The following ATF6 variants were observed in gnomAD, a reference collection of about 807,000 sequenced individuals.
ATF6 encodes the protein activating transcription factor 6, also known as cyclic AMP-dependent transcription factor ATF-6 alpha.
In ATF6, 53 loss-of-function variants were observed where a neutral mutation model predicts 83.6. That is an observed-to-expected ratio of 0.63 (90% CI 0.51 to 0.80). ATF6 has a LOEUF of 0.80. Ranked by LOEUF, ATF6 falls within the 30% of genes least tolerant of loss-of-function variation. ATF6 has a pLI of 0.00. For synonymous variants in ATF6, 288 were observed against 285.8 expected (o/e 1.01, Z -0.08); for missense variants, 744 against 797.9 (o/e 0.93, Z 0.81).
intron 14 of ATF6, among the ~76,000 whole-genome samples, chr1:161,900,315 T>G (rs558978384): frequency 6.6e-6 from 1 of 152,268 alleles, no homozygotes; most frequent in African/African-American, 2.4e-5. Flanking sequence ...GTCATTTCGC[T>G]TAAAGAATTT....
chr1:161,853,144 C>T (rs1686673362), intron 11 of ATF6, 80 bp from the exon 12 acceptor site: 1 of 998,914 alleles, frequency 1.0e-6, no homozygotes, highest in Non-Finnish European at 1.5e-6. Flanking sequence ...TGATTAGATT[C>T]ATTTCCACCC....
intron 15 of ATF6, among the ~76,000 whole-genome samples, chr1:161,915,779 C>T (rs1482730698): frequency 6.6e-6 from 1 of 152,034 alleles, no homozygotes; most frequent in Non-Finnish European, 1.5e-5. Flanking sequence ...GCACATTCCA[C>T]TCCCAGCTAA....
At chr1:161,813,374 CAATTA>C (rs1335827902) in intron 7 of ATF6, among the ~76,000 whole-genome samples, 2 of 152,026 alleles carry the variant, frequency 1.3e-5, no homozygotes, top group African/African-American at 2.4e-5. Flanking sequence ...GTCGTTGTGC[CAATTA>C]AATTAAGTGT....
At chr1:161,784,379 C>CT (rs1174117122) in intron 4 of ATF6, among the ~76,000 whole-genome samples, 4 of 152,050 alleles carry the variant, frequency 2.6e-5, no homozygotes. Flanking sequence ...GCTTACTGTC[C>CT]TTTCTCCCAC....
intron 11 of ATF6, among the ~76,000 whole-genome samples, chr1:161,852,343 AG>A (rs1219235154): frequency 6.6e-6 from 1 of 152,192 alleles, no homozygotes; most frequent in African/African-American, 2.4e-5. Context: ...ACATCTTCAC[AG>A]CTGCTGTAAA....
intron 15 of ATF6, among the ~76,000 whole-genome samples, chr1:161,940,885 C>T (rs1033337279): frequency 2.0e-5 from 3 of 152,064 alleles, no homozygotes; most frequent in Admixed American, 2.0e-4. Flanking sequence ...TGTCATCTCT[C>T]CACCTCCCCA....
intron 11 of ATF6, among the ~76,000 whole-genome samples, chr1:161,852,956 G>C (rs1399688396): frequency 1.3e-5 from 2 of 152,140 alleles, no homozygotes; most frequent in African/African-American, 2.4e-5. Context: ...TTAGCATCCA[G>C]TGTTTATATT....
chr1:161,852,281 A>G (rs1686649660), intron 11 of ATF6, among the ~76,000 whole-genome samples: 1 of 152,124 alleles, frequency 6.6e-6, no homozygotes, highest in Non-Finnish European at 1.5e-5. Flanking sequence ...CTCAAAAACT[A>G]CCTCAGATTT....
intron 2 of ATF6, among the ~76,000 whole-genome samples, chr1:161,780,169 G>A (rs1048459316): frequency 6.6e-6 from 1 of 151,484 alleles, no homozygotes; most frequent in Non-Finnish European, 1.5e-5. Context: ...TTCTCTTTAT[G>A]TACCTTGTAC....
At chr1:161,794,916 G>A (rs1451343436) in intron 6 of ATF6, among the ~76,000 whole-genome samples, 1 of 152,216 alleles carries the variant, frequency 6.6e-6, no homozygotes, top group Non-Finnish European at 1.5e-5. Context: ...TAATTGGATT[G>A]TGTAGAAGGA....
At chr1:161,808,299 G>A (rs1047608641) in intron 7 of ATF6, among the ~76,000 whole-genome samples, 5 of 152,184 alleles carry the variant, frequency 3.3e-5, no homozygotes, top group Admixed American at 2.6e-4. Flanking sequence ...ACCTTGTGGG[G>A]ACTCATTCTA....
chr1:161,927,140 A>G (rs1688331718), intron 15 of ATF6, among the ~76,000 whole-genome samples: 1 of 152,034 alleles, frequency 6.6e-6, no homozygotes, highest in Non-Finnish European at 1.5e-5. Context: ...CCCCAGAGAA[A>G]ACTTAGGGGA....
At chr1:161,870,962 C>T (rs1687111401) in intron 14 of ATF6, among the ~76,000 whole-genome samples, 1 of 151,574 alleles carries the variant, frequency 6.6e-6, no homozygotes, top group Non-Finnish European at 1.5e-5. Flanking sequence ...GTTTAATCTC[C>T]CCTTTTCAGG....
At chr1:161,853,358 G>A (rs760250012) in intron 12 of ATF6, 35 bp downstream of exon 12, 40 of 1,537,320 alleles carry the variant, frequency 2.6e-5, no homozygotes, top group South Asian at 3.4e-5. Flanking sequence ...AATAGTTGGC[G>A]TATTTGTTGG....
At chr1:161,841,026 T>C (rs970631027) in intron 9 of ATF6, among the ~76,000 whole-genome samples, 1 of 152,218 alleles carries the variant, frequency 6.6e-6, no homozygotes, top group African/African-American at 2.4e-5. Context: ...CTTACTATGA[T>C]TGAGTCATTT....
intron 9 of ATF6, among the ~76,000 whole-genome samples, chr1:161,834,872 G>T (rs964524663): frequency 1.3e-5 from 2 of 152,150 alleles, no homozygotes; most frequent in African/African-American, 4.8e-5. Context: ...GTAACACAGG[G>T]AGACAGAGAG....
chr1:161,900,119 A>G (rs1361260184), intron 14 of ATF6, among the ~76,000 whole-genome samples: 1 of 152,120 alleles, frequency 6.6e-6, no homozygotes, highest in African/African-American at 2.4e-5. Context: ...AATTGCATAA[A>G]TTATCTTACT....
At chr1:161,779,135 C>T (rs1040526385) in intron 2 of ATF6, among the ~76,000 whole-genome samples, 1 of 152,116 alleles carries the variant, frequency 6.6e-6, no homozygotes, top group Non-Finnish European at 1.5e-5. Context: ...AAAATCAGTA[C>T]TAGGGATTTT....
chr1:161,852,051 C>T (rs767302302), intron 11 of ATF6, among the ~76,000 whole-genome samples: 2 of 152,172 alleles, frequency 1.3e-5, no homozygotes, highest in Non-Finnish European at 2.9e-5. Flanking sequence ...TTAAATATGT[C>T]TTCTTTAAAA....
Sources: allele counts gnomAD v4.1 joint callset (sites outside exome capture counted in the v4.1 genomes callset), GRCh38; gene constraint gnomAD v4.1.1; transcripts MANE v1.5; gene names NCBI Gene and HGNC (gene_info 2026-07-23, HGNC 2026-07-21).